C5: variants seen among roughly 807,000 people sequenced by gnomAD.
The protein encoded by C5 is C3 and PZP-like alpha-2-macroglobulin domain-containing protein 4.
C5 carries 140 observed loss-of-function variants against 218.8 expected under a neutral mutation model. The observed-to-expected ratio is 0.64, with a 90% confidence interval of 0.56 to 0.74. C5 has a LOEUF of 0.74. Among genes scored for constraint, C5 ranks in the 30% least tolerant of loss-of-function variants. C5 has a pLI of 0.00. For synonymous variants in C5, 614 were observed against 682.3 expected (o/e 0.90, Z 1.56); for missense variants, 1,700 against 1,969.6 (o/e 0.86, Z 2.59).
intron 20 of C5, among the ~76,000 whole-genome samples, chr9:121,002,142 A>T (rs1342417715): frequency 6.8e-6 from 1 of 147,970 alleles, no homozygotes; most frequent in Non-Finnish European, 1.5e-5. Flanking sequence ...ATATATATGT[A>T]TGTATATATG....
In C5 at chr9:120,952,831, A is replaced by G. The variant is rs1189454510; in HGVS notation, c.4939T>C (p.Tyr1647His). 6.2e-6 allele frequency: 10 copies of G among 1,613,882 alleles called. No individual in the cohort carries two copies. Among genetic ancestry groups the G allele is most frequent in the Non-Finnish European group, 8.5e-6 (10 of 1,179,886 alleles). The change falls in exon 41 of 41, where the codon TAC (tyrosine) becomes CAC (histidine). Residue 1647 changes from tyrosine (Y) to histidine (H), a missense_variant. Tyr to His is a moderately conservative substitution (Grantham distance 83). Coordinates refer to ENST00000223642, the MANE Select transcript of C5 (RefSeq NM_001735.3). ...GAACATGTTGTGTCTCTAGGCCAGT[A>G]TTCAATCCAGGTCAAGGAATCTAAA... Reference protein sequence around the residue: ...YPLDSLTWIEYWPRDTTCSSC... With the variant: ...YPLDSLTWIEHWPRDTTCSSC...
intron 4 of C5, among the ~76,000 whole-genome samples, chr9:121,037,423 C>T (rs1446954907): frequency 8.6e-6 from 1 of 115,690 alleles, no homozygotes; most frequent in African/African-American, 3.0e-5. Context: ...AAGCAATTCC[C>T]CCACCTCAGC....
chr9:120,955,224 T>C (rs773092402), intron 39 of C5, among the ~76,000 whole-genome samples: 9 of 152,166 alleles, frequency 5.9e-5, no homozygotes, highest in Non-Finnish European at 1.2e-4. Flanking sequence ...TCAAAATTTA[T>C]GTGTTAAAAA....
upstream of C5, among the ~76,000 whole-genome samples, chr9:121,052,339 CCCA>C (rs956959110): frequency 7.6e-4 from 115 of 151,660 alleles, no homozygotes; most frequent in African/African-American, 2.7e-3. Context: ...TGCCTGTAAT[CCCA>C]GCTACTTGGG....
In C5 at chr9:120,963,589, A is replaced by G. The variant is rs755828508; in HGVS notation, c.4323+47T>C. On this transcript the variant is annotated intron_variant, in intron 34 of 40. Transcript: ENST00000223642. The stretch of plus-strand genomic sequence containing the variant: ...TAAAATTGTCTATAAAATAATTCAG[A>G]AAAGAAAATGAAGCATTCACAACAC... The G allele has an allele frequency of 9.4e-6, 12 of 1,271,472 alleles. No homozygotes were observed. In the South Asian group the frequency reaches 9.6e-5, roughly 10 times the overall value. 78.8% of individuals were successfully genotyped at this position (1,271,472 alleles called of 1,614,324 possible).
intron 33 of C5, among the ~76,000 whole-genome samples, chr9:120,965,605 A>C (rs546734715): frequency 2.6e-5 from 4 of 152,210 alleles, no homozygotes. Context: ...TATTTGCCAC[A>C]ATAAAGAAAA....
rs1484693351 is a variant in C5, at chr9:120,962,976, G to A, written c.4324-9C>T. The A allele has an allele frequency of 3.1e-6, 5 of 1,601,084 alleles. No individual in the cohort carries two copies. Among genetic ancestry groups the A allele is most frequent in the Non-Finnish European group, 4.3e-6 (5 of 1,168,100 alleles). ...TCCACCCCTTCCACAAGCTAAGGGG[G>A]AAAAGAGAGAAGCTTGAATTTCATT... is the stretch of plus-strand genomic sequence containing the variant. On this transcript the variant is annotated splice_polypyrimidine_tract_variant and intron_variant, in intron 34 of 40. Coordinates refer to ENST00000223642, the MANE Select transcript of C5 (RefSeq NM_001735.3).
chr9:121,042,231 T>G (rs185127668), intron 3 of C5, among the ~76,000 whole-genome samples: 141 of 152,328 alleles, frequency 9.3e-4, no homozygotes, highest in African/African-American at 3.4e-3. Flanking sequence ...ATGAATATAT[T>G]GGGAAGCATT....
chr9:120,995,809 A>G (rs2047111681), intron 22 of C5, among the ~76,000 whole-genome samples: 1 of 147,724 alleles, frequency 6.8e-6, no homozygotes, highest in Non-Finnish European at 1.5e-5. Flanking sequence ...TAGTGATCTA[A>G]GAAGTGGATA....
At chr9:121,020,304 G>GA (rs538274883) in intron 11 of C5, 125 bp from the exon 12 acceptor site, 18 of 776,036 alleles carry the variant, frequency 2.3e-5, no homozygotes, top group African/African-American at 8.7e-5. Flanking sequence ...TGCTAAAGGG[G>GA]AAAAAACCCT....
At chr9:120,958,499 A>T (rs2046802656) in intron 38 of C5, among the ~76,000 whole-genome samples, 1 of 152,112 alleles carries the variant, frequency 6.6e-6, no homozygotes, top group Non-Finnish European at 1.5e-5. Context: ...AAAACAATAT[A>T]GTATTCTCAA....
Position 121,015,264 on chromosome 9 carries a change from G to A in C5, c.1997-3C>T. On this transcript the variant is annotated splice_region_variant and splice_polypyrimidine_tract_variant and intron_variant, in intron 15 of 40. Coordinates refer to ENST00000223642, the MANE Select transcript of C5 (RefSeq NM_001735.3). ...GAGAATTTCTTTACAAGGTTCATCT[G>A]GTTTTTTTAAAAAAAGATAAAGAAG... The A allele has an allele frequency of 6.3e-7, 1 of 1,594,384 alleles. No homozygotes were observed. Among genetic ancestry groups the A allele is most frequent in the Non-Finnish European group, 8.6e-7 (1 of 1,165,234 alleles).
rs1007495667 is a variant in C5, at chr9:120,969,094, T to C, written c.4187A>G (p.Asn1396Ser). ...IEASHYRGYG[N>S]SDYKRIVACA... ...TGCTACTATGCGTTTGTAATCAGAGTTTCCGTAGCCTCTGTAGTGGGATGC... is the reference window on the plus strand; with the variant it reads ...TGCTACTATGCGTTTGTAATCAGAGCTTCCGTAGCCTCTGTAGTGGGATGC... Residue 1396 changes from asparagine (N) to serine (S), a missense_variant, in exon 33 of 41, where the codon AAC becomes AGC. Transcript: ENST00000223642. The C allele has an allele frequency of 1.2e-6, 2 of 1,613,900 alleles. No individual in the cohort carries two copies. The highest frequency in any genetic ancestry group is 1.7e-6 in the Non-Finnish European group (2 of 1,179,928).
rs150670666 is a variant in C5, at chr9:121,002,341, T to TAC, written c.2562+3576_2562+3577dup. Among the ~76,000 whole-genome samples, 105 of 72,644 alleles carry TAC rather than the reference T, an allele frequency of 1.4e-3. 1 individual carries two copies. Among genetic ancestry groups the TAC allele is most frequent in the Admixed American group, 2.8e-3 (18 of 6,420 alleles). The allele number at this position is 72,644 out of a possible 152,430, so 47.7% of individuals were successfully genotyped here. A position where few individuals can be genotyped will look rare whatever the true frequency, so the allele number is the denominator to read the frequency against. ...GTATATATATATATATATATATATATACACACATACCTACACAAGCCGATT... is the reference window on the plus strand; with the variant it reads ...GTATATATATATATATATATATATATACACACACATACCTACACAAGCCGATT... On this transcript the variant is annotated intron_variant, in intron 20 of 40. Coordinates refer to ENST00000223642, the MANE Select transcript of C5 (RefSeq NM_001735.3).
At chr9:120,995,473 A>G (rs555417249) in intron 22 of C5, among the ~76,000 whole-genome samples, 3 of 152,232 alleles carry the variant, frequency 2.0e-5, no homozygotes, top group Non-Finnish European at 4.4e-5. Flanking sequence ...CTTTGAGAAG[A>G]TTTGGAATAT....
intron 33 of C5, among the ~76,000 whole-genome samples, chr9:120,967,690 T>C (rs886233082): frequency 2.0e-5 from 3 of 152,084 alleles, no homozygotes; most frequent in African/African-American, 4.8e-5. Context: ...AGTATATACA[T>C]ATTTTCAAAT....
At position 120,974,825 on chromosome 9, in the gene C5, T is replaced by C. The variant is rs1311641437; in HGVS notation, c.3971A>G (p.His1324Arg). The change falls in exon 30 of 41, where the codon CAT (histidine) becomes CGT (arginine). Residue 1324 changes from histidine to arginine, a missense_variant. Transcript: ENST00000223642. Reference sequence around the variant, plus strand: ...ATTCTTGTCTGTCATTTTATAATTATGTAAGGCACCTTTATGCTTGTAAGA... The same window carrying C: ...ATTCTTGTCTGTCATTTTATAATTACGTAAGGCACCTTTATGCTTGTAAGA... The part of the protein sequence containing the change: ...DVSYKHKGAL[H>R]NYKMTDKNFL... The C allele has an allele frequency of 1.9e-6, 3 of 1,613,998 alleles. No homozygotes were observed. The highest frequency in any genetic ancestry group is 2.2e-5 in the East Asian group (1 of 44,900).
At chr9:120,977,724 T>C (rs570458457) in intron 28 of C5, among the ~76,000 whole-genome samples, 1 of 152,328 alleles carries the variant, frequency 6.6e-6, no homozygotes, top group South Asian at 2.1e-4. Context: ...CCGGCCTCAA[T>C]CTGTATTTTA....
the C5 span, among the ~76,000 whole-genome samples, chr9:121,056,638 T>G: frequency 6.6e-6 from 1 of 151,998 alleles, no homozygotes; most frequent in African/African-American, 2.4e-5. Context: ...AAATAAAGAA[T>G]TTGTGAAGAC....
Sources: gnomAD v4.1 joint callset for allele counts (sites outside exome capture counted in the v4.1 genomes callset) on GRCh38, gnomAD v4.1.1 for gene constraint, MANE v1.5 for transcripts, NCBI Gene and HGNC (gene_info 2026-07-23, HGNC 2026-07-21) for gene names.